Variants in PARD3B observed in about 807,000 individuals in gnomAD.
PARD3B encodes the protein par-3 family cell polarity regulator beta.
PARD3B carries 103 observed loss-of-function variants against 130.2 expected under a neutral mutation model. That is an observed-to-expected ratio of 0.79 (90% CI 0.67 to 0.93). The LOEUF is 0.93. Ranked by LOEUF, PARD3B falls within the 40% of genes least tolerant of loss-of-function variation. The pLI, the probability that PARD3B is intolerant of heterozygous loss-of-function variation, is 0.00. For synonymous variants in PARD3B, 583 were observed against 553.2 expected, an observed-to-expected ratio of 1.05 and a Z score of -0.76; for missense variants, 1,609 against 1,499.2, an observed-to-expected ratio of 1.07 and a Z score of -1.21.
At chr2:205,527,442 G>A (rs1011353716) in intron 21 of PARD3B, among the ~76,000 whole-genome samples, 2 of 152,260 alleles carry the variant, frequency 1.3e-5, no homozygotes, top group South Asian at 4.1e-4. Context: ...TTTTATATAA[G>A]TGGACTATGG....
rs555799689 is a variant in PARD3B at position 205,398,002 on chromosome 2, G to A, written c.2631-3011G>A. On this transcript the variant is annotated intron_variant, in intron 18 of 22. Coordinates refer to ENST00000406610, the MANE Select transcript of PARD3B (RefSeq NM_001302769.2). ...TATCAGGCAAATCTGAATTATATTT[G>A]AAAGTTAATGTTCTGGCCGAGCACA... 5.3e-5 allele frequency among the ~76,000 whole-genome samples: 8 copies of A among 152,178 alleles called. No individual in the cohort carries two copies. The South Asian group carries it at 1.7e-3, about 32-fold the overall frequency.
At chr2:205,045,972 A>G (rs138465851) in intron 3 of PARD3B, among the ~76,000 whole-genome samples, 16 of 152,148 alleles carry the variant, frequency 1.1e-4, no homozygotes, top group African/African-American at 3.9e-4. Context: ...CTCCCATTCA[A>G]GATTATCAAC....
intron 2 of PARD3B, among the ~76,000 whole-genome samples, chr2:204,805,258 A>G (rs7419923): frequency 0.01 from 1,579 of 152,272 alleles, 24 homozygotes; most frequent in African/African-American, 0.035. Context: ...CAGAAATTCA[A>G]AGGATCATTA....
At chr2:205,157,763 T>G (rs1430604743) in intron 10 of PARD3B, among the ~76,000 whole-genome samples, 1 of 152,138 alleles carries the variant, frequency 6.6e-6, no homozygotes, top group African/African-American at 2.4e-5. Flanking sequence ...ATTGTCAGAT[T>G]TTTCAGTTGA....
rs187349304 is a variant in PARD3B, at chr2:204,746,759, G to T, written c.222+60477G>T. 5.4e-3 allele frequency among the ~76,000 whole-genome samples: 819 copies of T among 152,224 alleles called. 2 individuals carry two copies. Among genetic ancestry groups the T allele is most frequent in the African/African-American group, 0.01 (435 of 41,528 alleles). ...ATGACGAGCGTTTTTTCATGTGTCTGTTGGCTGCATAAATGTCTTCTTTTG... is the reference window on the plus strand; with the variant it reads ...ATGACGAGCGTTTTTTCATGTGTCTTTTGGCTGCATAAATGTCTTCTTTTG... On this transcript the variant is annotated intron_variant, in intron 2 of 22. Transcript: ENST00000406610.
intron 2 of PARD3B, among the ~76,000 whole-genome samples, chr2:204,877,305 G>A (rs1011640335): frequency 5.9e-5 from 9 of 152,104 alleles, no homozygotes; most frequent in African/African-American, 2.2e-4. Context: ...TAAATGATGA[G>A]TTAATGGGTG....
intron 2 of PARD3B, among the ~76,000 whole-genome samples, chr2:204,853,499 C>T (rs2044792418): frequency 6.6e-6 from 1 of 152,118 alleles, no homozygotes. Context: ...TTCAGTTCTC[C>T]ACTTTCATTA....
At chr2:205,396,204 C>T (rs905124721) in intron 18 of PARD3B, among the ~76,000 whole-genome samples, 6 of 152,200 alleles carry the variant, frequency 3.9e-5, no homozygotes, top group Non-Finnish European at 8.8e-5. Flanking sequence ...ATTTCCCAGG[C>T]AGTCACTTCC....
At chr2:205,326,471 G>A (rs1343887530) in intron 18 of PARD3B, among the ~76,000 whole-genome samples, 1 of 152,150 alleles carries the variant, frequency 6.6e-6, no homozygotes, top group African/African-American at 2.4e-5. Flanking sequence ...GGAAAGTGGA[G>A]GAGATGACCA....
At chr2:204,786,919 G>A (rs73982517) in intron 2 of PARD3B, among the ~76,000 whole-genome samples, 14 of 151,834 alleles carry the variant, frequency 9.2e-5, no homozygotes, top group African/African-American at 3.1e-4. Context: ...TTTGCCAGTC[G>A]TACACTCTGG....
At chr2:205,323,294 C>T (rs993359233) in intron 18 of PARD3B, among the ~76,000 whole-genome samples, 2 of 152,100 alleles carry the variant, frequency 1.3e-5, no homozygotes, top group Admixed American at 1.3e-4. Flanking sequence ...ATCACTTTTA[C>T]AGCTTAACTG....
intron 15 of PARD3B, among the ~76,000 whole-genome samples, chr2:205,243,075 A>C (rs1022682608): frequency 2.0e-5 from 3 of 152,130 alleles, no homozygotes; most frequent in African/African-American, 7.2e-5. Flanking sequence ...CTGAGGCAGA[A>C]GAATTGGTTG....
chr2:205,274,660 C>A lies in PARD3B; in HGVS notation c.2186-25870C>A, dbSNP rs1285246222. Among the ~76,000 whole-genome samples the A allele has an allele frequency of 1.3e-5, 2 of 151,872 alleles. No homozygotes were observed. Among genetic ancestry groups the A allele is most frequent in the Non-Finnish European group, 2.9e-5 (2 of 67,970 alleles). The stretch of plus-strand genomic sequence containing the variant: ...ATATTATCTATCTGAATATTAATAT[C>A]AATTATCTACCTGAATATTTCTATC... On this transcript the variant is annotated intron_variant, in intron 16 of 22. Coordinates refer to ENST00000406610, the MANE Select transcript of PARD3B (RefSeq NM_001302769.2). The surrounding 1 kb of genome is among the most constrained non-coding windows in gnomAD (Gnocchi z 4.2).
At chr2:205,428,380 A>G (rs1465318843) in intron 19 of PARD3B, among the ~76,000 whole-genome samples, 7 of 152,060 alleles carry the variant, frequency 4.6e-5, no homozygotes, top group Admixed American at 4.6e-4. Context: ...ACTCTGTCAC[A>G]AAAAATAAAA....
intron 18 of PARD3B, chr2:205,302,056 TTTTC>T: frequency 2.2e-6 from 1 of 464,566 alleles, no homozygotes; most frequent in Non-Finnish European, 3.6e-6. Context: ...TTTTTTTCTT[TTTTC>T]TTTTCTTTTT....
At position 204,724,495 on chromosome 2, in the gene PARD3B, C is replaced by G. The variant is rs534711839; in HGVS notation, c.222+38213C>G. Among the ~76,000 whole-genome samples the G allele has an allele frequency of 8.5e-5, 13 of 152,194 alleles. No homozygotes were observed. The East Asian group carries it at 2.5e-3, about 29-fold the overall frequency. On this transcript the variant is annotated intron_variant, in intron 2 of 22. Transcript: ENST00000406610. ...GTATTCCCTCACTAATAAATTATTGCTTTCTTATTCAGTATAAATTTGCTT... is the reference window on the plus strand; with the variant it reads ...GTATTCCCTCACTAATAAATTATTGGTTTCTTATTCAGTATAAATTTGCTT...
chr2:204,721,931 A>G (rs2039015181), intron 2 of PARD3B, among the ~76,000 whole-genome samples: 2 of 152,116 alleles, frequency 1.3e-5, no homozygotes, highest in Admixed American at 1.3e-4. Flanking sequence ...CTACCTCTGC[A>G]TGCAGAGGCA....
chr2:204,774,538 A>G (rs2041528793), intron 2 of PARD3B, among the ~76,000 whole-genome samples: 1 of 152,050 alleles, frequency 6.6e-6, no homozygotes. Flanking sequence ...GTATTGTATG[A>G]CACTTTTTAA....
intron 3 of PARD3B, among the ~76,000 whole-genome samples, chr2:205,009,302 T>C (rs1032747228): frequency 2.0e-5 from 3 of 152,214 alleles, no homozygotes; most frequent in African/African-American, 7.2e-5. Flanking sequence ...ATATTGAGTC[T>C]TAGAGTATAT....
Sources: gnomAD v4.1 joint callset for allele counts (sites outside exome capture counted in the v4.1 genomes callset) on GRCh38, gnomAD v4.1.1 for gene constraint, Gnocchi (gnomAD v3.1) non-coding constraint, MANE v1.5 for transcripts, NCBI Gene and HGNC (gene_info 2026-07-23, HGNC 2026-07-21) for gene names.